Variants in REEP6 observed in about 807,000 individuals in gnomAD.
REEP6 encodes the protein receptor accessory protein 6.
Under a neutral mutation model 22.4 loss-of-function variants are expected in REEP6, and 19 were observed. The observed-to-expected ratio is 0.85, with a 90% confidence interval of 0.59 to 1.25. The LOEUF (loss-of-function observed/expected upper bound fraction) is 1.25, where lower values mean the gene tolerates loss of function less well. REEP6 is among the 50% of genes most tolerant of loss of function. REEP6 has a pLI of 0.00. For synonymous variants in REEP6, 121 were observed against 113.6 expected (o/e 1.06, Z -0.41); for missense variants, 273 against 251.9 (o/e 1.08, Z -0.57).
intron 1 of REEP6, 41 bp from the exon 2 acceptor site, chr19:1,495,253 C>A: frequency 6.3e-7 from 1 of 1,589,548 alleles, no homozygotes; most frequent in Non-Finnish European, 8.6e-7. Context: ...GGGGGCTCAG[C>A]GGGTCCCCAG....
At chr19:1,496,605 G>A (rs1343854685) in intron 4 of REEP6, 152 bp downstream of exon 4, 1 of 1,031,630 alleles carries the variant, frequency 9.7e-7, no homozygotes, top group East Asian at 2.6e-5. Context: ...GCAGGTCCTG[G>A]CCCGTAGCCG....
intron 1 of REEP6, among the ~76,000 whole-genome samples, chr19:1,493,246 G>A (rs762123432): frequency 6.6e-6 from 1 of 152,120 alleles, no homozygotes; most frequent in Non-Finnish European, 1.5e-5. Flanking sequence ...AGCCAGGCCC[G>A]GGGAGAGATG....
At chr19:1,495,271 A>G in intron 1 of REEP6, 23 bp from the exon 2 acceptor site, 1 of 1,608,574 alleles carries the variant, frequency 6.2e-7, no homozygotes, top group South Asian at 1.1e-5. Context: ...CAGCCCTGGC[A>G]CACCACCGCC....
rs573005112 is a variant in REEP6, at chr19:1,495,397, C to G, written c.209+10C>G. On this transcript the variant is annotated intron_variant, in intron 2 of 4. Transcript: ENST00000233596. ...ACCCCGCATATGCCTCGTGAGTGCA[C>G]GGCTGGCTGCCCACGCGGGGGGTTC... is the stretch of plus-strand genomic sequence containing the variant. The G allele has an allele frequency of 1.2e-6, 2 of 1,613,754 alleles. No individual in the cohort carries two copies. Among genetic ancestry groups the G allele is most frequent in the Non-Finnish European group, 1.7e-6 (2 of 1,180,002 alleles).
chr19:1,495,338 G>A lies in REEP6; in HGVS notation c.160G>A (p.Ala54Thr), dbSNP rs200733401. The A allele has an allele frequency of 5.0e-6, 8 of 1,613,624 alleles. No homozygotes were observed. In the South Asian group the frequency reaches 7.7e-5, roughly 16 times the overall value. Residue 54 changes from alanine to threonine, a missense_variant, in exon 2 of 5, where the codon GCG becomes ACG. Physicochemically the swap from Ala to Thr is moderately conservative, Grantham distance 58. Transcript: ENST00000233596. The part of the protein sequence containing the change: ...LSLYLLFGYG[A>T]SLLCNLIGFV... ...CCTGTATCTGCTGTTCGGCTACGGA[G>A]CGTCTCTGCTGTGCAATCTCATCGG...
chr19:1,497,458 T>C lies in REEP6; in HGVS notation c.*247T>C, dbSNP rs1599274335. 2.8e-6 allele frequency: 2 copies of C among 704,448 alleles called. No homozygotes were observed. Among genetic ancestry groups the C allele is most frequent in the East Asian group, 2.7e-5 (1 of 36,472 alleles). 43.6% of individuals were successfully genotyped at this position (704,448 alleles called of 1,614,324 possible). A position where few individuals can be genotyped will look rare whatever the true frequency, so the allele number is the denominator to read the frequency against. Reference sequence around the variant, plus strand: ...TCTGGCTCTGGCTGTGGCTCCCGCCTGTCCGGCAGGGCCCAGGGCCAGCGT... The same window carrying C: ...TCTGGCTCTGGCTGTGGCTCCCGCCCGTCCGGCAGGGCCCAGGGCCAGCGT... On this transcript the variant is annotated 3_prime_UTR_variant, in exon 5 of 5. Coordinates refer to ENST00000233596, the MANE Select transcript of REEP6 (RefSeq NM_138393.4). This position sits in a 1 kb window ranked among gnomAD's most constrained non-coding sequence, Gnocchi z 6.5.
Position 1,496,431 on chromosome 19 carries a change from G to T in REEP6, c.495G>T (p.Ala165=). 1 of 1,612,636 alleles carries T rather than the reference G, an allele frequency of 6.2e-7. No individual in the cohort carries two copies. Among genetic ancestry groups the T allele is most frequent in the Non-Finnish European group, 8.5e-7 (1 of 1,179,588 alleles). Residue 165 remains alanine (A), a synonymous_variant, in exon 4 of 5, where the codon GCG becomes GCT. Transcript: ENST00000233596. The part of the protein sequence containing the change: ...MNDLSGRALD[A]AAGITRNVKP... The stretch of plus-strand genomic sequence containing the variant: ...ACCTCAGCGGGCGAGCCCTGGACGC[G>T]GCGGCCGGAATAACCAGGAACGGTG...
chr19:1,496,914 ATG>A (rs1165004758), intron 4 of REEP6, among the ~76,000 whole-genome samples: 6 of 151,732 alleles, frequency 4.0e-5, no homozygotes, highest in Admixed American at 2.0e-4. Context: ...ATGTGAGTAT[ATG>A]TGTGTGCGTG....
At position 1,491,403 on chromosome 19, in the gene REEP6, C is replaced by A; in HGVS notation, c.115+19C>A. 2 of 1,392,666 alleles carry A rather than the reference C, an allele frequency of 1.4e-6. No individual in the cohort carries two copies. The highest frequency in any genetic ancestry group is 9.4e-7 in the Non-Finnish European group (1 of 1,067,988). The allele number at this position is 1,392,666 out of a possible 1,614,324, so 86.3% of individuals were successfully genotyped here. On this transcript the variant is annotated intron_variant, in intron 1 of 4. Transcript: ENST00000233596. This position sits in a 1 kb window ranked among gnomAD's most constrained non-coding sequence, Gnocchi z 5.4. ...GCTGCAGGTGAGCCGTCGGCGCTAG[C>A]CCGTTTCGCCGACGGGCACACCGAG...
chr19:1,493,048 C>T (rs1229099787), intron 1 of REEP6, among the ~76,000 whole-genome samples: 1 of 152,120 alleles, frequency 6.6e-6, no homozygotes, highest in Admixed American at 6.5e-5. Context: ...GCAGGGGCTG[C>T]CTCTGTGCCT....
rs2084945154 is a variant in REEP6 at position 1,491,673 on chromosome 19, C to T, written c.115+289C>T. On this transcript the variant is annotated intron_variant, in intron 1 of 4. Transcript: ENST00000233596. This position sits in a 1 kb window ranked among gnomAD's most constrained non-coding sequence, Gnocchi z 5.4. ...CCGGTTCTTCCAGTTGCCCAGTGGC[C>T]CCAGAGGGGTCGGGATGCCAGTGTC... Among the ~76,000 whole-genome samples, 1 of 152,338 alleles carries T rather than the reference C, an allele frequency of 6.6e-6. No individual in the cohort carries two copies. Among genetic ancestry groups the T allele is most frequent in the African/African-American group, 2.4e-5 (1 of 41,568 alleles).
At chr19:1,494,979 C>T (rs1056025115) in intron 1 of REEP6, among the ~76,000 whole-genome samples, 11 of 152,208 alleles carry the variant, frequency 7.2e-5, no homozygotes, top group East Asian at 1.9e-4. Flanking sequence ...CCACCGCGCC[C>T]GGCTGCAAAC....
chr19:1,493,248 GGA>G (rs2084981158), intron 1 of REEP6, among the ~76,000 whole-genome samples: 1 of 152,144 alleles, frequency 6.6e-6, no homozygotes, highest in African/African-American at 2.4e-5. Flanking sequence ...CCAGGCCCGG[GGA>G]GAGATGGCAG....
chr19:1,491,263 C>T lies in REEP6; in HGVS notation c.-7C>T, dbSNP rs371703115. ...CTCGAGCAGCCAACCCCGGGCGCGTCGGGGCCATGGACGGCCTGAGGCAGC... is the reference window on the plus strand; with the variant it reads ...CTCGAGCAGCCAACCCCGGGCGCGTTGGGGCCATGGACGGCCTGAGGCAGC... On this transcript the variant is annotated 5_prime_UTR_variant, in exon 1 of 5. Transcript: ENST00000233596. This position sits in a 1 kb window ranked among gnomAD's most constrained non-coding sequence, Gnocchi z 5.4. 7.0e-5 allele frequency: 103 copies of T among 1,462,954 alleles called. No individual in the cohort carries two copies. Among genetic ancestry groups the T allele is most frequent in the East Asian group, 3.3e-4 (11 of 33,118 alleles). 90.6% of individuals were successfully genotyped at this position (1,462,954 alleles called of 1,614,324 possible). A position where few individuals can be genotyped will look rare whatever the true frequency, so the allele number is the denominator to read the frequency against.
intron 4 of REEP6, 89 bp downstream of exon 4, chr19:1,496,542 C>A: frequency 6.9e-7 from 1 of 1,448,412 alleles, no homozygotes; most frequent in Non-Finnish European, 9.5e-7. Context: ...CTGACTTTGG[C>A]CGCCCCCTCT....
rs1169079754 is a variant in REEP6 at position 1,495,476 on chromosome 19, G to A, written c.217G>A (p.Ala73Thr). The A allele has an allele frequency of 9.3e-6, 15 of 1,613,960 alleles. No individual in the cohort carries two copies. The highest frequency in any genetic ancestry group is 1.3e-5 in the Non-Finnish European group (15 of 1,180,010). Residue 73 changes from alanine to threonine, a missense_variant, in exon 3 of 5, where the codon GCT becomes ACT. Coordinates refer to ENST00000233596, the MANE Select transcript of REEP6 (RefSeq NM_138393.4). ...GCTGCACCCTCCCTGCAGAATCAAA[G>A]CTATCGAGAGCCCAAGCAAGGACGA... is the stretch of plus-strand genomic sequence containing the variant. Reference protein sequence around the residue: ...FVYPAYASIKAIESPSKDDDT... With the variant: ...FVYPAYASIKTIESPSKDDDT...
At chr19:1,492,736 T>C (rs2084975608) in intron 1 of REEP6, among the ~76,000 whole-genome samples, 1 of 151,770 alleles carries the variant, frequency 6.6e-6, no homozygotes, top group African/African-American at 2.4e-5. Flanking sequence ...GGAGTCCAGT[T>C]CCCCCCCAAT....
Position 1,491,418 on chromosome 19 carries a change from G to C in REEP6, c.115+34G>C. On this transcript the variant is annotated intron_variant, in intron 1 of 4. Transcript: ENST00000233596. This position sits in a 1 kb window ranked among gnomAD's most constrained non-coding sequence, Gnocchi z 5.4. ...TCGGCGCTAGCCCGTTTCGCCGACG[G>C]GCACACCGAGGCCATGGGCCTGGGG... 7.4e-7 allele frequency: 1 copy of C among 1,343,416 alleles called. No homozygotes were observed. The highest frequency in any genetic ancestry group is 9.7e-7 in the Non-Finnish European group (1 of 1,028,942). The allele number at this position is 1,343,416 out of a possible 1,614,324, so 83.2% of individuals were successfully genotyped here.
rs2085017799 is a variant in REEP6, at chr19:1,497,341, AG to A, written c.*132del. The A allele has an allele frequency of 1.1e-6, 1 of 888,360 alleles. No individual in the cohort carries two copies. Among genetic ancestry groups the A allele is most frequent in the African/African-American group, 1.7e-5 (1 of 60,254 alleles). 55.0% of individuals were successfully genotyped at this position (888,360 alleles called of 1,614,324 possible). A position where few individuals can be genotyped will look rare whatever the true frequency, so the allele number is the denominator to read the frequency against. On this transcript the variant is annotated 3_prime_UTR_variant, in exon 5 of 5. Coordinates refer to ENST00000233596, the MANE Select transcript of REEP6 (RefSeq NM_138393.4). The surrounding 1 kb of genome is among the most constrained non-coding windows in gnomAD (Gnocchi z 6.5). ...CCTGCCAGTCCCTCGGGTCCAGGCA[AG>A]GCCCTGGGGGTCTCCTTAAATGCCA... is the stretch of plus-strand genomic sequence containing the variant.
Sources: gnomAD v4.1 joint callset for allele counts (sites outside exome capture counted in the v4.1 genomes callset) on GRCh38, gnomAD v4.1.1 for gene constraint, Gnocchi (gnomAD v3.1) non-coding constraint, MANE v1.5 for transcripts, NCBI Gene and HGNC (gene_info 2026-07-23, HGNC 2026-07-21) for gene names.